Variants in PDE1C observed in about 807,000 individuals in gnomAD.
PDE1C encodes dual specificity calcium/calmodulin-dependent 3',5'-cyclic nucleotide phosphodiesterase 1C.
PDE1C carries 62 observed loss-of-function variants against 93.1 expected under a neutral mutation model. That is an observed-to-expected ratio of 0.67 (90% CI 0.54 to 0.82). The LOEUF (loss-of-function observed/expected upper bound fraction) is 0.82, where lower values mean the gene tolerates loss of function less well. Among genes scored for constraint, PDE1C ranks in the 40% least tolerant of loss-of-function variants. The probability of loss-of-function intolerance (pLI) is 0.00; values close to 1 mark genes in which losing one functional copy is unlikely to be tolerated. For missense variants in PDE1C, 742 were observed against 884.6 expected (o/e 0.84, Z 2.04); for synonymous variants, 325 against 310.1 (o/e 1.05, Z -0.50).
the PDE1C span, among the ~76,000 whole-genome samples, chr7:31,731,856 C>T: frequency 2.0e-5 from 3 of 152,204 alleles, no homozygotes; most frequent in Admixed American, 6.5e-5. Flanking sequence ...ATATTTCTTT[C>T]CCAGAGTCCT....
At chr7:32,386,936 A>T in intron 1 of PDE1C, among the ~76,000 whole-genome samples, 1 of 150,480 alleles carries the variant, frequency 6.6e-6, no homozygotes, top group African/African-American at 2.5e-5. Flanking sequence ...GGGATTTGGC[A>T]GGGTCATAGG....
intron 17 of PDE1C, among the ~76,000 whole-genome samples, chr7:31,760,437 C>T (rs1312077752): frequency 6.6e-6 from 1 of 152,132 alleles, no homozygotes; most frequent in East Asian, 1.9e-4. Flanking sequence ...TGGCCTCATT[C>T]CCTTGAGTTC....
chr7:31,887,772 C>G (rs941943208), intron 2 of PDE1C, among the ~76,000 whole-genome samples: 10 of 152,076 alleles, frequency 6.6e-5, no homozygotes, highest in Non-Finnish European at 1.3e-4. Context: ...CAATGAAACA[C>G]AATTTTGTTA....
At chr7:32,265,043 T>C (rs1810466428) in intron 1 of PDE1C, among the ~76,000 whole-genome samples, 1 of 152,064 alleles carries the variant, frequency 6.6e-6, no homozygotes, top group Admixed American at 6.5e-5. Context: ...CTCAGAAATA[T>C]AAAATTAAGG....
At chr7:32,280,732 G>A (rs563456241) in intron 1 of PDE1C, among the ~76,000 whole-genome samples, 7 of 152,296 alleles carry the variant, frequency 4.6e-5, no homozygotes, top group Middle Eastern at 3.4e-3. Context: ...TAGCCTGGGC[G>A]AAGTTGTTGC....
chr7:31,888,234 A>T (rs1169048117), intron 2 of PDE1C, among the ~76,000 whole-genome samples: 3 of 123,856 alleles, frequency 2.4e-5, no homozygotes, highest in African/African-American at 9.5e-5. Context: ...TGGGTGACAG[A>T]GCGAGACTCA....
the PDE1C span, chr7:31,642,320 A>G: frequency 7.9e-6 from 9 of 1,142,872 alleles, no homozygotes; most frequent in Middle Eastern, 2.0e-4. Context: ...AGCCCTATCA[A>G]CCAGGCTGCC....
At chr7:31,987,803 T>A (rs183095667) in intron 2 of PDE1C, among the ~76,000 whole-genome samples, 1 of 152,326 alleles carries the variant, frequency 6.6e-6, no homozygotes, top group East Asian at 1.9e-4. Flanking sequence ...TTTTGCTGAA[T>A]TCTCTGGTGC....
chr7:31,714,800 G>A, the PDE1C span, among the ~76,000 whole-genome samples: 72 of 152,256 alleles, frequency 4.7e-4, no homozygotes, highest in Admixed American at 5.9e-4. Flanking sequence ...GGAAAGACCT[G>A]TCCCCATGAT....
intron 15 of PDE1C, among the ~76,000 whole-genome samples, chr7:31,813,833 A>G (rs1050790628): frequency 2.0e-5 from 3 of 151,680 alleles, no homozygotes; most frequent in African/African-American, 7.3e-5. Context: ...CTGAGTCCCC[A>G]AAGTCCACTG....
At chr7:31,992,595 T>C (rs1483918145) in intron 2 of PDE1C, among the ~76,000 whole-genome samples, 4 of 152,226 alleles carry the variant, frequency 2.6e-5, no homozygotes, top group Non-Finnish European at 5.9e-5. Flanking sequence ...AGGGTACATA[T>C]GGGAGGGTAC....
At chr7:32,008,867 C>G (rs30551) in intron 2 of PDE1C, among the ~76,000 whole-genome samples, 1 of 152,042 alleles carries the variant, frequency 6.6e-6, no homozygotes, top group Non-Finnish European at 1.5e-5. Flanking sequence ...GTTTGTTTAC[C>G]TTACGTGTAA....
chr7:32,340,479 G>A lies in PDE1C; in HGVS notation c.310+87343C>T, dbSNP rs557593889. On this transcript the variant is annotated intron_variant, in intron 1 of 1. Transcript: ENST00000672256. ...TGATACCATGGGGTAGATAAAGGTG[G>A]AGTGGAACGCACAGCTATTTTTGTG... 2.6e-5 allele frequency among the ~76,000 whole-genome samples: 4 copies of A among 152,290 alleles called. No homozygotes were observed. The South Asian group carries it at 6.2e-4, about 24-fold the overall frequency.
intron 2 of PDE1C, among the ~76,000 whole-genome samples, chr7:31,950,891 T>C (rs1296440896): frequency 5.9e-5 from 9 of 152,200 alleles, no homozygotes; most frequent in Non-Finnish European, 1.2e-4. Flanking sequence ...GTTTGTCTGC[T>C]GGGGCTGCCA....
chr7:31,945,574 G>A (rs562128578), intron 2 of PDE1C, among the ~76,000 whole-genome samples: 1 of 152,180 alleles, frequency 6.6e-6, no homozygotes, highest in East Asian at 1.9e-4. Context: ...CATGGCTTCT[G>A]AGGAGAAGTC....
rs549712109 is a variant in PDE1C at position 31,826,811 on chromosome 7, C to A, written c.1285+1481G>T. 3.9e-5 allele frequency among the ~76,000 whole-genome samples: 6 copies of A among 152,270 alleles called. No homozygotes were observed. The East Asian group carries it at 9.6e-4, about 24-fold the overall frequency. On this transcript the variant is annotated intron_variant, in intron 12 of 17. Coordinates refer to ENST00000396191, the MANE Select transcript of PDE1C (RefSeq NM_001191057.4). ...TCTATGCTACTGGCAAAGAAATCTT[C>A]TAAAAACAGGGTAGGCAAACTTTAT...
chr7:32,198,203 T>A (rs1804750663), intron 2 of PDE1C, among the ~76,000 whole-genome samples: 1 of 152,172 alleles, frequency 6.6e-6, no homozygotes, highest in Non-Finnish European at 1.5e-5. Flanking sequence ...TATTTTGCCC[T>A]CACTCTTAAA....
chr7:31,776,035 C>T (rs1782932696), intron 16 of PDE1C, among the ~76,000 whole-genome samples: 1 of 147,926 alleles, frequency 6.8e-6, no homozygotes, highest in Non-Finnish European at 1.5e-5. Flanking sequence ...TAGGAAGTTG[C>T]CTGGGCGTCA....
At chr7:31,749,649 G>A (rs1794079118), downstream of PDE1C, among the ~76,000 whole-genome samples, 1 of 152,142 alleles carries the variant, frequency 6.6e-6, no homozygotes, top group South Asian at 2.1e-4. Context: ...GCGAGAAGAT[G>A]CAGACAAATC....
Sources: gnomAD v4.1 joint callset for allele counts (sites outside exome capture counted in the v4.1 genomes callset) on GRCh38, gnomAD v4.1.1 for gene constraint, MANE v1.5 for transcripts, NCBI Gene and HGNC (gene_info 2026-07-23, HGNC 2026-07-21) for gene names.